The following ABLIM3 variants were observed in gnomAD, a reference collection of about 807,000 sequenced individuals.
ABLIM3 encodes actin binding LIM protein family member 3, also known as actin-binding LIM protein 3.
In ABLIM3, 61 loss-of-function variants were observed where a neutral mutation model predicts 109.5. The ratio of observed to expected loss-of-function variants is 0.56; its 90% CI spans 0.45 to 0.69. The LOEUF is 0.69. ABLIM3 is among the 30% of genes least tolerant of loss of function. The pLI is 0.00. For missense variants in ABLIM3, 796 were observed against 889.5 expected, an observed-to-expected ratio of 0.89 and a Z score of 1.34; for synonymous variants, 300 against 324.8, an observed-to-expected ratio of 0.92 and a Z score of 0.82.
At position 149,239,678 on chromosome 5, in the gene ABLIM3, A is replaced by T. The variant is rs1255614974; in HGVS notation, c.1075-81A>T. On this transcript the variant is annotated intron_variant, in intron 12 of 23. Coordinates refer to ENST00000309868, the MANE Select transcript of ABLIM3 (RefSeq NM_014945.5). ...ACCCGAGAATCCCAGATTCCATGTC[A>T]TGCCCACCTGCCTGCTAGACCCTCG... 4.2e-5 allele frequency: 63 copies of T among 1,497,914 alleles called. 2 individuals carry two copies. The Middle Eastern group carries it at 9.0e-4, about 21-fold the overall frequency. 92.8% of individuals were successfully genotyped at this position (1,497,914 alleles called of 1,614,324 possible). A position where few individuals can be genotyped will look rare whatever the true frequency, so the allele number is the denominator to read the frequency against.
At chr5:149,171,098 T>C (rs998734681) in intron 2 of ABLIM3, among the ~76,000 whole-genome samples, 2 of 152,204 alleles carry the variant, frequency 1.3e-5, no homozygotes, top group Non-Finnish European at 2.9e-5. Flanking sequence ...TGTAGCTATT[T>C]GTGGGTATAA....
chr5:149,252,138 AGT>A, intron 21 of ABLIM3, 61 bp from the exon 22 acceptor site: 3 of 1,597,726 alleles, frequency 1.9e-6, no homozygotes, highest in Non-Finnish European at 2.6e-6. Context: ...AGGCCTGTGT[AGT>A]GATGCAAAGC....
intron 23 of ABLIM3, among the ~76,000 whole-genome samples, chr5:149,255,782 A>C (rs958122594): frequency 6.6e-6 from 1 of 152,216 alleles, no homozygotes; most frequent in Non-Finnish European, 1.5e-5. Context: ...GATGAAGTCC[A>C]AGGAAACTGG....
intron 7 of ABLIM3, chr5:149,216,670 T>A (rs1760121106): frequency 2.7e-6 from 1 of 365,112 alleles, no homozygotes; most frequent in Non-Finnish European, 5.0e-6. Flanking sequence ...CCTCTGGAAA[T>A]GAGGAAGTTG....
chr5:149,207,872 C>T (rs1759154915), intron 6 of ABLIM3, among the ~76,000 whole-genome samples: 1 of 152,244 alleles, frequency 6.6e-6, no homozygotes, highest in Non-Finnish European at 1.5e-5. Flanking sequence ...CAGTATTAGA[C>T]AAGTGTCCTC....
rs1055325567 is a variant in ABLIM3, at chr5:149,251,397, C to T, written c.1827C>T (p.Asn609=). ...SADLFHYDSM[N]AVNWGMREYK... Reference sequence around the variant, plus strand: ...ACCTCTTCCACTACGACAGCATGAACGCAGTCAACTGGGGCATGCGAGGTG... The same window carrying T: ...ACCTCTTCCACTACGACAGCATGAATGCAGTCAACTGGGGCATGCGAGGTG... Residue 609 remains asparagine (N), a synonymous_variant, in exon 21 of 24, where the codon AAC becomes AAT. Coordinates refer to ENST00000309868, the MANE Select transcript of ABLIM3 (RefSeq NM_014945.5). 5.6e-6 allele frequency: 9 copies of T among 1,614,044 alleles called. No individual in the cohort carries two copies. The Admixed American group carries it at 1.2e-4, about 21-fold the overall frequency.
At chr5:149,174,111 G>T (rs1203344612) in intron 2 of ABLIM3, among the ~76,000 whole-genome samples, 20 of 150,480 alleles carry the variant, frequency 1.3e-4, no homozygotes, top group Admixed American at 5.9e-4. Context: ...AATAAAGTGT[G>T]TCTGGGAGCC....
rs778782219 is a variant in ABLIM3 at position 149,200,304 on chromosome 5, T to A, written c.336-12T>A. 1.3e-4 allele frequency: 213 copies of A among 1,612,822 alleles called. No homozygotes were observed. Among genetic ancestry groups the A allele is most frequent in the Non-Finnish European group, 1.6e-4 (187 of 1,178,928 alleles). ...GAGGGTGTGTTGAATTTCTCCCTCA[T>A]CCCACTTGCAGGAAGCCTTTCCCCA... On this transcript the variant is annotated splice_polypyrimidine_tract_variant and intron_variant, in intron 4 of 23. Transcript: ENST00000309868.
In ABLIM3 at chr5:149,244,945, T is replaced by A. The variant is rs753107970; in HGVS notation, c.1416T>A (p.Ser472Arg). Residue 472 changes from serine to arginine, a missense_variant, in exon 16 of 24, where the codon AGT (serine) becomes AGA (arginine). By Grantham distance (110) the Ser-to-Arg change is moderately radical. Transcript: ENST00000309868. The part of the protein sequence containing the change: ...SEDISQTSKY[S>R]PIYSPDPYYA... ...ACATCAGCCAGACCTCCAAGTACAGTCCCATCTACTCGCCAGACCCCTACT... is the reference window on the plus strand; with the variant it reads ...ACATCAGCCAGACCTCCAAGTACAGACCCATCTACTCGCCAGACCCCTACT... 6.2e-6 allele frequency: 10 copies of A among 1,614,062 alleles called. No homozygotes were observed. The highest frequency in any genetic ancestry group is 1.6e-4 in the Middle Eastern group (1 of 6,062).
chr5:149,146,639 A>C (rs1752953724), intron 2 of ABLIM3, among the ~76,000 whole-genome samples: 1 of 152,096 alleles, frequency 6.6e-6, no homozygotes, highest in Non-Finnish European at 1.5e-5. Flanking sequence ...ATGTGGCTTT[A>C]TTTCTGGGTT....
At chr5:149,233,495 GCAAA>G (rs1762065914) in intron 10 of ABLIM3, among the ~76,000 whole-genome samples, 195 bp downstream of exon 10, 2 of 152,178 alleles carry the variant, frequency 1.3e-5, no homozygotes, top group Admixed American at 6.5e-5. Context: ...CCCTCATGAA[GCAAA>G]CAGTCTAGTA....
At chr5:149,229,496 A>G (rs979070838) in intron 8 of ABLIM3, among the ~76,000 whole-genome samples, 5 of 152,170 alleles carry the variant, frequency 3.3e-5, no homozygotes, top group Non-Finnish European at 5.9e-5. Context: ...AGGCCTCCTC[A>G]CTTCAGGCCT....
At position 149,207,106 on chromosome 5, in the gene ABLIM3, G is replaced by A. The variant is rs754423159; in HGVS notation, c.547G>A (p.Val183Ile). Reference protein sequence around the residue: ...VSCFKCQTCSVILTGEYISKD... With the variant: ...VSCFKCQTCSIILTGEYISKD... ...CTGCTTCAAGTGCCAGACCTGCAGC[G>A]TCATCCTCACCGGGGAGTATATCAG... Residue 183 changes from valine to isoleucine, a missense_variant, in exon 6 of 24, where the codon GTC becomes ATC. Coordinates refer to ENST00000309868, the MANE Select transcript of ABLIM3 (RefSeq NM_014945.5). 43 of 1,613,982 alleles carry A rather than the reference G, an allele frequency of 2.7e-5. No individual in the cohort carries two copies. The highest frequency in any genetic ancestry group is 8.0e-5 in the African/African-American group (6 of 75,008).
chr5:149,239,896 AG>A lies in ABLIM3; in HGVS notation c.1204+13del, dbSNP rs749658275. The A allele has an allele frequency of 1.3e-6, 2 of 1,599,312 alleles. No individual in the cohort carries two copies. Among genetic ancestry groups the A allele is most frequent in the East Asian group, 2.3e-5 (1 of 43,322 alleles). The stretch of plus-strand genomic sequence containing the variant: ...ACCACTACTACCGCTCTGGTAAGGA[AG>A]GGGGAGGACCTGAAGGGAGAGGAAG... On this transcript the variant is annotated intron_variant, in intron 13 of 23. Coordinates refer to ENST00000309868, the MANE Select transcript of ABLIM3 (RefSeq NM_014945.5).
intron 2 of ABLIM3, among the ~76,000 whole-genome samples, chr5:149,157,848 TC>T (rs977395155): frequency 1.3e-5 from 2 of 152,090 alleles, no homozygotes; most frequent in Non-Finnish European, 2.9e-5. Context: ...ACCCCAGACT[TC>T]CCAGTTGCAA....
intron 2 of ABLIM3, among the ~76,000 whole-genome samples, chr5:149,162,251 T>C (rs1581015648): frequency 6.6e-6 from 1 of 152,216 alleles, no homozygotes; most frequent in Admixed American, 6.5e-5. Context: ...TAAAATTTAA[T>C]ACAACTCGAC....
rs190166826 is a variant in ABLIM3, at chr5:149,170,012, G to A, written c.14-13440G>A. On this transcript the variant is annotated intron_variant, in intron 2 of 23. Transcript: ENST00000309868. ...TTTTATATTAAGTTCAGGGGTACTT[G>A]TGCAGGTTTGTTATATATGTAAATT... Among the ~76,000 whole-genome samples the A allele has an allele frequency of 2.4e-4, 36 of 152,222 alleles. 1 individual carries two copies. Among genetic ancestry groups the A allele is most frequent in the African/African-American group, 8.7e-4 (36 of 41,526 alleles).
intron 5 of ABLIM3, among the ~76,000 whole-genome samples, chr5:149,201,816 T>C (rs1284044190): frequency 6.6e-6 from 1 of 150,930 alleles, no homozygotes; most frequent in Non-Finnish European, 1.5e-5. Context: ...GATGGGGCCA[T>C]GTGTGAGGCA....
intron 2 of ABLIM3, among the ~76,000 whole-genome samples, chr5:149,173,607 C>T (rs1171471496): frequency 6.6e-6 from 1 of 152,168 alleles, no homozygotes; most frequent in Non-Finnish European, 1.5e-5. Context: ...AGGCCCTACC[C>T]CACTTTAGTC....
Sources: allele counts gnomAD v4.1 joint callset (sites outside exome capture counted in the v4.1 genomes callset), GRCh38; gene constraint gnomAD v4.1.1; transcripts MANE v1.5; gene names NCBI Gene and HGNC (gene_info 2026-07-23, HGNC 2026-07-21).